OSBPL9: variants seen among roughly 807,000 people sequenced by gnomAD.
OSBPL9 encodes the protein oxysterol binding protein like 9.
A neutral mutation model predicts 106.6 loss-of-function variants in OSBPL9; 40 were observed. The ratio of observed to expected loss-of-function variants is 0.38; its 90% CI spans 0.29 to 0.49. The LOEUF (loss-of-function observed/expected upper bound fraction) is 0.49. Ranked by LOEUF, OSBPL9 falls within the 20% of genes least tolerant of loss-of-function variation. The probability of loss-of-function intolerance (pLI) is 0.97; values close to 1 mark genes in which losing one functional copy is unlikely to be tolerated. For synonymous variants in OSBPL9, 269 were observed against 295.4 expected (o/e 0.91, Z 0.92); for missense variants, 609 against 887.2 (o/e 0.69, Z 3.98).
rs189226307 is a variant in OSBPL9, at chr1:51,686,223, A to G, written c.241+16711A>G. On this transcript the variant is annotated intron_variant, in intron 3 of 23. Coordinates refer to ENST00000428468, the MANE Select transcript of OSBPL9 (RefSeq NM_024586.6). ...TGCAGGGAGTATAATTCTCCTAGGTACCTCACACATACTTAAAAAGTAGGT... is the reference window on the plus strand; with the variant it reads ...TGCAGGGAGTATAATTCTCCTAGGTGCCTCACACATACTTAAAAAGTAGGT... Among the ~76,000 whole-genome samples, 124 of 152,312 alleles carry G rather than the reference A, an allele frequency of 8.1e-4. 2 individuals are homozygous for G. The highest frequency in any genetic ancestry group is 2.8e-3 in the African/African-American group (117 of 41,560).
chr1:51,670,824 G>T (rs1415639445), intron 3 of OSBPL9, among the ~76,000 whole-genome samples: 4 of 152,148 alleles, frequency 2.6e-5, no homozygotes, highest in African/African-American at 9.7e-5. Context: ...AAATCAGCAG[G>T]TAATTCCTAC....
chr1:51,786,549 C>G lies in OSBPL9; in HGVS notation c.1932C>G (p.Thr644=), dbSNP rs766746258. 1.8e-5 allele frequency: 29 copies of G among 1,609,656 alleles called. No individual in the cohort carries two copies. In the Admixed American group the frequency reaches 4.8e-4, roughly 27 times the overall value. The change falls in exon 22 of 24, where the codon ACC becomes ACG. Residue 644 remains threonine (T), a synonymous_variant. Transcript: ENST00000428468. The part of the protein sequence containing the change: ...ATGENTVFVD[T]KKLPIIKKKV... ...AGGAAAATACAGTCTTTGTAGATAC[C>G]AAGAAGTTGCCTATAATCAAGAAGA...
chr1:51,682,058 C>T (rs1571037487), intron 3 of OSBPL9, among the ~76,000 whole-genome samples: 1 of 151,868 alleles, frequency 6.6e-6, no homozygotes, highest in East Asian at 1.9e-4. Context: ...AAAAATTAGC[C>T]AGGCATGGTG....
upstream of OSBPL9, chr1:51,614,278 TA>T (rs1644009239): frequency 6.6e-6 from 1 of 152,260 alleles, no homozygotes; most frequent in Middle Eastern, 3.4e-3. Context: ...TATTCTTATT[TA>T]CTTCTTTTTC....
the OSBPL9 span, among the ~76,000 whole-genome samples, chr1:51,532,143 C>T: frequency 1.3e-5 from 2 of 151,844 alleles, no homozygotes; most frequent in Non-Finnish European, 2.9e-5. Flanking sequence ...AGAGGAGGCT[C>T]GGGAGAGAAT....
intron 3 of OSBPL9, among the ~76,000 whole-genome samples, chr1:51,679,285 G>A (rs1651995611): frequency 6.6e-6 from 1 of 152,174 alleles, no homozygotes; most frequent in Non-Finnish European, 1.5e-5. Context: ...AGCTAGCAAG[G>A]TTAGAGAGGA....
intron 1 of OSBPL9, among the ~76,000 whole-genome samples, chr1:51,623,931 T>A (rs1400183871): frequency 3.3e-5 from 5 of 152,102 alleles, no homozygotes; most frequent in African/African-American, 4.8e-5. Flanking sequence ...GGTACTTTTT[T>A]TTTTTTGTCG....
intron 4 of OSBPL9, among the ~76,000 whole-genome samples, chr1:51,735,229 C>CCGTCCATGTCCA (rs1665399102): frequency 6.6e-6 from 1 of 152,224 alleles, no homozygotes; most frequent in African/African-American, 2.4e-5. Flanking sequence ...TGTTTTACAG[C>CCGTCCATGTCCA]CGTCCATGTC....
chr1:51,657,133 T>A (rs1246987843), intron 2 of OSBPL9, among the ~76,000 whole-genome samples: 5 of 152,238 alleles, frequency 3.3e-5, no homozygotes, highest in Non-Finnish European at 7.3e-5. Context: ...TATTGTTAAT[T>A]TTATGTATTT....
At chr1:51,580,448 T>C (rs903728993) in intron 1 of OSBPL9, among the ~76,000 whole-genome samples, 1 of 152,214 alleles carries the variant, frequency 6.6e-6, no homozygotes, top group Non-Finnish European at 1.5e-5. Flanking sequence ...AATGAGAGCC[T>C]TTAGCAGGTC....
intron 2 of OSBPL9, among the ~76,000 whole-genome samples, chr1:51,668,928 G>A (rs1299197615): frequency 1.3e-5 from 2 of 152,228 alleles, no homozygotes; most frequent in Non-Finnish European, 2.9e-5. Flanking sequence ...CAATGTACAA[G>A]TGGTTATGGA....
At chr1:51,702,404 A>G (rs2148857228) in intron 3 of OSBPL9, among the ~76,000 whole-genome samples, 1 of 152,272 alleles carries the variant, frequency 6.6e-6, no homozygotes, top group South Asian at 2.1e-4. Context: ...GCCAGTGATG[A>G]TGAGCATTTT....
At chr1:51,656,187 C>T (rs1334833070) in intron 2 of OSBPL9, among the ~76,000 whole-genome samples, 1 of 152,184 alleles carries the variant, frequency 6.6e-6, no homozygotes, top group Non-Finnish European at 1.5e-5. Context: ...ACATTGGGCA[C>T]ATTTCTTAAC....
At chr1:51,746,608 C>A (rs1668028416) in intron 5 of OSBPL9, 102 bp from the exon 6 acceptor site, 5 of 831,714 alleles carry the variant, frequency 6.0e-6, no homozygotes, top group Non-Finnish European at 9.4e-6. Context: ...CATCCCTGGA[C>A]AAAATGTGTT....
In OSBPL9 at chr1:51,788,155, T is replaced by TAC. The variant is rs71247587; in HGVS notation, c.*382_*383dup. 15,171 of 234,648 alleles carry TAC rather than the reference T, an allele frequency of 0.065. 622 individuals carry two copies. The highest frequency in any genetic ancestry group is 0.13 in the African/African-American group (5,664 of 43,320). 14.5% of individuals were successfully genotyped at this position (234,648 alleles called of 1,614,324 possible). A position where few individuals can be genotyped will look rare whatever the true frequency, so the allele number is the denominator to read the frequency against. On this transcript the variant is annotated 3_prime_UTR_variant, in exon 24 of 24. Coordinates refer to ENST00000428468, the MANE Select transcript of OSBPL9 (RefSeq NM_024586.6). ...TTTCTTAGTTCATATAATCTCGGGA[T>TAC]ACACACACACACACACATATATATA...
intron 1 of OSBPL9, among the ~76,000 whole-genome samples, chr1:51,597,423 A>ATATATGTGTG (rs1405804661): frequency 2.9e-5 from 4 of 135,802 alleles, no homozygotes; most frequent in African/African-American, 1.2e-4. Context: ...ATATATATAT[A>ATATATGTGTG]TGTGTGTGTG....
chr1:51,684,615 C>G (rs187213871), intron 3 of OSBPL9, among the ~76,000 whole-genome samples: 1 of 151,326 alleles, frequency 6.6e-6, no homozygotes, highest in African/African-American at 2.4e-5. Flanking sequence ...ACTGCAACCT[C>G]TGCCTTCCGG....
intron 4 of OSBPL9, among the ~76,000 whole-genome samples, chr1:51,741,649 CT>C (rs11310384): frequency 0.19 from 27,953 of 144,568 alleles, 3,207 homozygotes; most frequent in Middle Eastern, 0.33. Context: ...AAAACAGAGA[CT>C]TTTTTTTTTT....
intron 4 of OSBPL9, among the ~76,000 whole-genome samples, chr1:51,728,096 T>G (rs1338886206): frequency 6.6e-6 from 1 of 152,146 alleles, no homozygotes; most frequent in Non-Finnish European, 1.5e-5. Context: ...AAAAAGGCCA[T>G]TGTGTGCAAA....
Sources: allele counts gnomAD v4.1 joint callset (sites outside exome capture counted in the v4.1 genomes callset), GRCh38; gene constraint gnomAD v4.1.1; transcripts MANE v1.5; gene names NCBI Gene and HGNC (gene_info 2026-07-23, HGNC 2026-07-21).